PKD1L1: variants seen among roughly 807,000 people sequenced by gnomAD.
The protein encoded by PKD1L1 is polycystin-1-like protein 1.
Under a neutral mutation model 323.4 loss-of-function variants are expected in PKD1L1, and 236 were observed. That is an observed-to-expected ratio of 0.73 (90% confidence interval 0.66 to 0.81). PKD1L1 has a LOEUF of 0.81. PKD1L1 is among the 40% of genes least tolerant of loss of function. PKD1L1 has a pLI of 0.00. For synonymous variants in PKD1L1, 1,344 were observed against 1,335.0 expected, an observed-to-expected ratio of 1.01 and a Z score of -0.15; for missense variants, 3,320 against 3,508.0, an observed-to-expected ratio of 0.95 and a Z score of 1.35.
chr7:47,929,437 T>C lies in PKD1L1; in HGVS notation c.827A>G (p.His276Arg), dbSNP rs1489387859. Residue 276 changes from histidine to arginine, a missense_variant, in exon 7 of 57, where the codon CAT becomes CGT. Physicochemically the swap from His to Arg is conservative, Grantham distance 29. Transcript: ENST00000289672. ...GSEILYPPTQ[H>R]PPVAILARNS... ...TCGAGCTAGGATGGCCACAGGAGGA[T>C]GCTGAGTAGGGGGATAGAGGATCTC... 1.2e-6 allele frequency: 2 copies of C among 1,614,030 alleles called. No individual in the cohort carries two copies. Among genetic ancestry groups the C allele is most frequent in the East Asian group, 4.5e-5 (2 of 44,882 alleles).
chr7:47,886,646 C>G (rs1786691555), intron 17 of PKD1L1, among the ~76,000 whole-genome samples: 1 of 152,098 alleles, frequency 6.6e-6, no homozygotes, highest in Non-Finnish European at 1.5e-5. Flanking sequence ...GCCCTGCCGC[C>G]TCACTCCTTC....
chr7:47,930,950 C>T (rs957906987), intron 6 of PKD1L1, among the ~76,000 whole-genome samples, 154 bp downstream of exon 6: 1 of 152,228 alleles, frequency 6.6e-6, no homozygotes, highest in Non-Finnish European at 1.5e-5. Flanking sequence ...CCAATTATGT[C>T]TACAGCATTG....
At position 47,908,258 on chromosome 7, in the gene PKD1L1, AATAAGAATGAACGG is replaced by A. The variant is rs1461205353; in HGVS notation, c.1229-22_1229-9del. 1 of 1,608,814 alleles carries A rather than the reference AATAAGAATGAACGG, an allele frequency of 6.2e-7. No homozygotes were observed. The highest frequency in any genetic ancestry group is 8.5e-7 in the Non-Finnish European group (1 of 1,176,606). ...TGAGCATATAGACTCCTTCTGGAAA[AATAAGAATGAACGG>A]ACACTTGATGAATTTTTAATAACAA... On this transcript the variant is annotated splice_polypyrimidine_tract_variant and intron_variant, in intron 8 of 56. Coordinates refer to ENST00000289672, the MANE Select transcript of PKD1L1 (RefSeq NM_138295.5).
At chr7:47,831,830 A>T (rs948971371) in intron 41 of PKD1L1, among the ~76,000 whole-genome samples, 1 of 152,188 alleles carries the variant, frequency 6.6e-6, no homozygotes, top group African/African-American at 2.4e-5. Context: ...GACCCCAAAC[A>T]ACTAAGCAGG....
chr7:47,834,666 C>T (rs1297645401), intron 39 of PKD1L1, among the ~76,000 whole-genome samples: 1 of 152,094 alleles, frequency 6.6e-6, no homozygotes. Context: ...ATAAATGGCA[C>T]TAGCAACTAG....
chr7:47,777,793 C>T (rs17627715), intron 56 of PKD1L1, among the ~76,000 whole-genome samples: 19,664 of 152,162 alleles, frequency 0.13, 1,454 homozygotes, highest in Non-Finnish European at 0.14. Flanking sequence ...GCAGCTCTGT[C>T]ATCTTCAGCA....
In PKD1L1 at chr7:47,839,348, A is replaced by G. The variant is rs749023936; in HGVS notation, c.5769+98T>C. The G allele has an allele frequency of 9.1e-6, 8 of 880,572 alleles. No homozygotes were observed. The highest frequency in any genetic ancestry group is 1.7e-5 in the African/African-American group (1 of 59,644). The allele number at this position is 880,572 out of a possible 1,614,324, so 54.5% of individuals were successfully genotyped here. A position where few individuals can be genotyped will look rare whatever the true frequency, so the allele number is the denominator to read the frequency against. Reference sequence around the variant, plus strand: ...AGAAAAGAGGAATACACTTTAGAAGAGTTCAAAGACACAACTGTGGCAAGC... The same window carrying G: ...AGAAAAGAGGAATACACTTTAGAAGGGTTCAAAGACACAACTGTGGCAAGC... On this transcript the variant is annotated intron_variant, in intron 36 of 56. Transcript: ENST00000289672. This position sits in a 1 kb window ranked among gnomAD's most constrained non-coding sequence, Gnocchi z 4.3.
At chr7:47,857,583 C>T in intron 28 of PKD1L1, 22 bp downstream of exon 28, 1 of 1,593,120 alleles carries the variant, frequency 6.3e-7, no homozygotes, top group Non-Finnish European at 8.6e-7. Flanking sequence ...TTAGAAGTGG[C>T]AGGTCATCTG....
intron 54 of PKD1L1, among the ~76,000 whole-genome samples, chr7:47,799,293 C>A (rs938465224): frequency 6.6e-6 from 1 of 152,006 alleles, no homozygotes; most frequent in Admixed American, 6.6e-5. Context: ...GAGTAGGGAG[C>A]TAGGATCATT....
intron 48 of PKD1L1, 123 bp downstream of exon 48, chr7:47,813,808 A>C: frequency 1.2e-6 from 1 of 834,662 alleles, no homozygotes; most frequent in South Asian, 1.6e-5. Context: ...CGGCACTGAC[A>C]ATTCCAATTA....
intron 27 of PKD1L1, among the ~76,000 whole-genome samples, 187 bp downstream of exon 27, chr7:47,858,486 A>G (rs932005648): frequency 6.6e-6 from 1 of 152,256 alleles, no homozygotes; most frequent in African/African-American, 2.4e-5. Context: ...AAACATTATA[A>G]TATTACCATG....
At chr7:47,951,269 CT>C (rs1788200618), upstream of PKD1L1, among the ~76,000 whole-genome samples, 1 of 152,168 alleles carries the variant, frequency 6.6e-6, no homozygotes, top group Non-Finnish European at 1.5e-5. Context: ...AAAATCATTT[CT>C]TTGCATGAAA....
chr7:47,835,940 T>C lies in PKD1L1; in HGVS notation c.5944-697A>G, dbSNP rs565990838. ...GGCATGTGCTCCATGGATGGAATCATGGCTACAATCCAGCAAGGCATCAAC... is the reference window on the plus strand; with the variant it reads ...GGCATGTGCTCCATGGATGGAATCACGGCTACAATCCAGCAAGGCATCAAC... On this transcript the variant is annotated intron_variant, in intron 37 of 56. Coordinates refer to ENST00000289672, the MANE Select transcript of PKD1L1 (RefSeq NM_138295.5). 6.0e-4 allele frequency among the ~76,000 whole-genome samples: 91 copies of C among 152,280 alleles called. 1 individual carries two copies. Among genetic ancestry groups the C allele is most frequent in the African/African-American group, 1.2e-3 (48 of 41,554 alleles).
Position 47,813,241 on chromosome 7 carries a change from G to A in PKD1L1, c.7226C>T (p.Pro2409Leu). 1 of 1,614,136 alleles carries A rather than the reference G, an allele frequency of 6.2e-7. No homozygotes were observed. The highest frequency in any genetic ancestry group is 8.5e-7 in the Non-Finnish European group (1 of 1,180,038). The part of the protein sequence containing the change: ...LIEDSIPTCS[P>L]EVGGPENPYL... ...GGGGTTCTCAGGGCCTCCAACTTCG[G>A]GACTACATGTAGGAATAGAGTCTTC... The change falls in exon 49 of 57, where the codon CCC (proline) becomes CTC (leucine). Residue 2409 changes from proline (P) to leucine (L), a missense_variant. Coordinates refer to ENST00000289672, the MANE Select transcript of PKD1L1 (RefSeq NM_138295.5).
chr7:47,951,594 CAG>C (rs1788206467), upstream of PKD1L1, among the ~76,000 whole-genome samples: 1 of 152,192 alleles, frequency 6.6e-6, no homozygotes, highest in African/African-American at 2.4e-5. Context: ...ACACAGTTCA[CAG>C]TGTAAAAAGG....
intron 12 of PKD1L1, among the ~76,000 whole-genome samples, chr7:47,903,681 T>C (rs1450620372): frequency 6.6e-6 from 1 of 152,222 alleles, no homozygotes; most frequent in Non-Finnish European, 1.5e-5. Context: ...TAGATACTTC[T>C]GCACCCTTTG....
chr7:47,857,615 GC>G lies in PKD1L1; in HGVS notation c.4579del (p.Ala1527LeufsTer27). 3 of 1,613,692 alleles carry G rather than the reference GC, an allele frequency of 1.9e-6. No homozygotes were observed. Among genetic ancestry groups the G allele is most frequent in the Non-Finnish European group, 2.5e-6 (3 of 1,179,614 alleles). On this transcript the variant is annotated frameshift_variant, in exon 28 of 57. Coordinates refer to ENST00000289672, the MANE Select transcript of PKD1L1 (RefSeq NM_138295.5). LOFTEE classifies it high-confidence loss of function. ...FKKNPYPGSQ[A>X]PGQIGGVVGL... is the part of the protein sequence containing the mutation. ...TCTGTCAGCTTGTACCTGCCCAGGA[GC>G]TTGGCTCCCTGGATATGGGTTCTTC...
intron 7 of PKD1L1, among the ~76,000 whole-genome samples, chr7:47,917,985 C>T (rs1048367532): frequency 5.9e-5 from 9 of 152,076 alleles, no homozygotes; most frequent in South Asian, 2.1e-4. Flanking sequence ...CCTCACATCT[C>T]GATACTAACG....
At chr7:47,937,515 T>G (rs1039697330) in intron 3 of PKD1L1, among the ~76,000 whole-genome samples, 27 of 151,860 alleles carry the variant, frequency 1.8e-4, no homozygotes, top group South Asian at 8.3e-4. Flanking sequence ...TCATTCTGAA[T>G]GAGATGGAGG....
Sources: allele counts gnomAD v4.1 joint callset (sites outside exome capture counted in the v4.1 genomes callset), GRCh38; gene constraint gnomAD v4.1.1; non-coding constraint Gnocchi (gnomAD v3.1); transcripts MANE v1.5; gene names NCBI Gene and HGNC (gene_info 2026-07-23, HGNC 2026-07-21).